POLE: variants seen among roughly 807,000 people sequenced by gnomAD.
POLE encodes DNA polymerase epsilon catalytic subunit A.
In POLE, 188 loss-of-function variants were observed where a neutral mutation model predicts 279.2. That is an observed-to-expected ratio of 0.67 (90% CI 0.60 to 0.76). The LOEUF is 0.76. Ranked by LOEUF, POLE falls within the 30% of genes least tolerant of loss-of-function variation. The pLI is 0.00. For synonymous variants in POLE, 1,214 were observed against 1,172.5 expected (o/e 1.04, Z -0.72); for missense variants, 2,703 against 3,016.7 (o/e 0.90, Z 2.44).
rs1327578225 is a variant in POLE, at chr12:132,661,846, C to G, written c.2707-162G>C. Among the ~76,000 whole-genome samples the G allele has an allele frequency of 1.3e-5, 2 of 152,184 alleles. No homozygotes were observed. The highest frequency in any genetic ancestry group is 2.9e-5 in the Non-Finnish European group (2 of 68,038). On this transcript the variant is annotated intron_variant, in intron 23 of 48. Transcript: ENST00000320574. This position sits in a 1 kb window ranked among gnomAD's most constrained non-coding sequence, Gnocchi z 4.1. ...AGGAAGGAAGTTCTGATGCATGCAA[C>G]CAAGTGGTGAAACTCAGGTGTATCT...
In POLE at chr12:132,668,819, G is replaced by T. The variant is rs1565966539; in HGVS notation, c.1915C>A (p.Arg639Ser). ...AMYPNIILTNRLQPSAMVDEA... is the reference protein window; with the variant it reads ...AMYPNIILTNSLQPSAMVDEA... ...GGGAAGTAAAGTCTCACCTGCAGGC[G>T]GTTGGTCAGGATGATGTTGGGGTAC... The change falls in exon 17 of 49, where the codon CGC becomes AGC. Residue 639 changes from arginine to serine, a missense_variant. This residue lies in a region of POLE where 1,011 missense variants were observed against 1,111.7 expected (regional missense o/e 0.91). Transcript: ENST00000320574. The surrounding 1 kb of genome is among the most constrained non-coding windows in gnomAD (Gnocchi z 4.0). 1 of 1,614,140 alleles carries T rather than the reference G, an allele frequency of 6.2e-7. No individual in the cohort carries two copies. The highest frequency in any genetic ancestry group is 8.5e-7 in the Non-Finnish European group (1 of 1,179,978).
rs759414746 is a variant in POLE, at chr12:132,675,790, C to T, written c.1051G>A (p.Val351Ile). 20 of 1,614,028 alleles carry T rather than the reference C, an allele frequency of 1.2e-5. No individual in the cohort carries two copies. Among genetic ancestry groups the T allele is most frequent in the East Asian group, 2.2e-5 (1 of 44,894 alleles). Residue 351 changes from valine (V) to isoleucine (I), a missense_variant, in exon 11 of 49, where the codon GTC (valine) becomes ATC (isoleucine). Val to Ile is a conservative substitution (Grantham distance 29). Around this residue, in one of 5 missense-constraint regions of POLE, gnomAD observed 1,011 missense variants for 1,111.7 expected, o/e 0.91. Coordinates refer to ENST00000320574, the MANE Select transcript of POLE (RefSeq NM_006231.4). The surrounding 1 kb of genome is among the most constrained non-coding windows in gnomAD (Gnocchi z 4.3). ...AHLIQRWFEH[V>I]QETKPTIMVT... ...ATGATGGTGGGTTTGGTCTCCTGGA[C>T]GTGTTCAAACCACCTTTGGATCAGA...
At chr12:132,646,862 A>T (rs2042296418) in intron 32 of POLE, among the ~76,000 whole-genome samples, 1 of 151,852 alleles carries the variant, frequency 6.6e-6, no homozygotes. Flanking sequence ...AAAAATAAAT[A>T]AATTTAAAAA....
intron 47 of POLE, 176 bp from the exon 48 acceptor site, chr12:132,625,170 A>G: frequency 1.5e-6 from 1 of 680,952 alleles, no homozygotes; most frequent in Non-Finnish European, 2.7e-6. Flanking sequence ...CCACGGTGCC[A>G]GCGCCTTCCC....
intron 41 of POLE, among the ~76,000 whole-genome samples, chr12:132,637,809 A>T (rs2042062851): frequency 1.3e-5 from 2 of 152,206 alleles, no homozygotes; most frequent in Non-Finnish European, 2.9e-5. Flanking sequence ...GCCCAACTCA[A>T]GCTGCACAGC....
chr12:132,641,868 C>T lies in POLE; in HGVS notation c.5174-17G>A, dbSNP rs201254290. ...CCACACACACTGCACAGGAAGACGC[C>T]ATGCTCAGCCAGCATCCTGCCAGCT... is the stretch of plus-strand genomic sequence containing the variant. On this transcript the variant is annotated splice_polypyrimidine_tract_variant and intron_variant, in intron 38 of 48. Coordinates refer to ENST00000320574, the MANE Select transcript of POLE (RefSeq NM_006231.4). The T allele has an allele frequency of 9.3e-5, 149 of 1,597,264 alleles. 4 individuals are homozygous for T. The South Asian group carries it at 1.6e-3, about 17-fold the overall frequency.
intron 16 of POLE, 60 bp downstream of exon 16, chr12:132,672,155 C>T (rs1004843151): frequency 1.8e-5 from 21 of 1,139,142 alleles, no homozygotes; most frequent in African/African-American, 3.0e-5. Context: ...TGCTGAAAGA[C>T]GTGGTCTGTG....
chr12:132,672,187 T>C (rs755213532), intron 16 of POLE, 28 bp downstream of exon 16: 2 of 1,503,704 alleles, frequency 1.3e-6, no homozygotes, highest in Non-Finnish European at 1.9e-6. Context: ...AAACACAGAC[T>C]GGCTCTTCCT....
chr12:132,630,788 A>G (rs1279071318), intron 45 of POLE, among the ~76,000 whole-genome samples: 1 of 152,152 alleles, frequency 6.6e-6, no homozygotes, highest in Admixed American at 6.5e-5. Context: ...ATACCACTAC[A>G]CACCTACTGG....
At chr12:132,659,166 C>T in intron 26 of POLE, 129 bp downstream of exon 26, 1 of 928,640 alleles carries the variant, frequency 1.1e-6, no homozygotes, top group Non-Finnish European at 1.6e-6. Flanking sequence ...AACCCCTTAC[C>T]TCTCCGTGAC....
chr12:132,676,450 C>T (rs1477937696), intron 9 of POLE, 96 bp downstream of exon 9: 3 of 856,628 alleles, frequency 3.5e-6, no homozygotes, highest in Non-Finnish European at 5.9e-6. Flanking sequence ...ATTATTCACT[C>T]AACAAATACT....
At position 132,679,943 on chromosome 12, in the gene POLE, G is replaced by A. The variant is rs900927768; in HGVS notation, c.423+11C>T. 4.4e-6 allele frequency: 7 copies of A among 1,594,758 alleles called. No homozygotes were observed. Among genetic ancestry groups the A allele is most frequent in the African/African-American group, 4.0e-5 (3 of 74,438 alleles). On this transcript the variant is annotated intron_variant, in intron 5 of 48. Coordinates refer to ENST00000320574, the MANE Select transcript of POLE (RefSeq NM_006231.4). ...CCTCATTTACCCCTGGAAAGTCTGG[G>A]TGATACTCACCAAGTCCAGATCCTC...
intron 42 of POLE, 137 bp downstream of exon 42, chr12:132,635,755 G>T: frequency 1.2e-6 from 1 of 823,636 alleles, no homozygotes; most frequent in Non-Finnish European, 1.9e-6. Flanking sequence ...CCCTCCCCGT[G>T]TTCATGAGGG....
rs5744800 is a variant in POLE at position 132,668,440 on chromosome 12, G to T, written c.2089C>A (p.Pro697Thr). Residue 697 changes from proline to threonine, a missense_variant, in exon 19 of 49, where the codon CCC becomes ACC. Pro to Thr is a conservative substitution (Grantham distance 38). This residue lies in a region of POLE where 1,011 missense variants were observed against 1,111.7 expected (regional missense o/e 0.91). Transcript: ENST00000320574. This position sits in a 1 kb window ranked among gnomAD's most constrained non-coding sequence, Gnocchi z 4.0. ...CGAGCTGGCCCCTCTGGGAACAAGG[G>T]GGGGAACTTCTCTGACTCCAGCTGG... Reference protein sequence around the residue: ...QHQLESEKFPPLFPEGPARAF... With the variant: ...QHQLESEKFPTLFPEGPARAF... The T allele has an allele frequency of 1.9e-5, 31 of 1,612,652 alleles. No homozygotes were observed. The highest frequency in any genetic ancestry group is 4.4e-5 in the South Asian group (4 of 90,882).
chr12:132,636,142 T>G, intron 41 of POLE, 118 bp from the exon 42 acceptor site: 1 of 1,105,056 alleles, frequency 9.0e-7, no homozygotes, highest in South Asian at 1.7e-5. Context: ...ATTTGAAAGT[T>G]CATTCAGACC....
At position 132,681,143 on chromosome 12, in the gene POLE, G is replaced by A. The variant is rs1555230392; in HGVS notation, c.199C>T (p.His67Tyr). 1 of 1,614,028 alleles carries A rather than the reference G, an allele frequency of 6.2e-7. No individual in the cohort carries two copies. The highest frequency in any genetic ancestry group is 1.1e-5 in the South Asian group (1 of 91,078). ...GAGAAGGACCTAGTGCTTACAGGAT[G>A]CATGTTAATGAGCCAGCCTGTCTTC... ...GEKTGWLINM[H>Y]PTEILDEDKR... Residue 67 changes from histidine (H) to tyrosine (Y), a missense_variant, in exon 2 of 49, where the codon CAT (histidine) becomes TAT (tyrosine). Physicochemically the swap from His to Tyr is moderately conservative, Grantham distance 83. Coordinates refer to ENST00000320574, the MANE Select transcript of POLE (RefSeq NM_006231.4).
chr12:132,641,314 C>T, intron 39 of POLE: 2 of 409,384 alleles, frequency 4.9e-6, no homozygotes, highest in Non-Finnish European at 9.3e-6. Context: ...GCTGATGCCT[C>T]ACACATCATA....
chr12:132,678,698 A>G (rs780973781), intron 6 of POLE, among the ~76,000 whole-genome samples: 1 of 152,244 alleles, frequency 6.6e-6, no homozygotes, highest in East Asian at 1.9e-4. Context: ...TGCAGGCTGA[A>G]GAGCAGGCCT....
rs963588288 is a variant in POLE, at chr12:132,676,628, A to G, written c.827T>C (p.Ile276Thr). Residue 276 changes from isoleucine (I) to threonine (T), a missense_variant, in exon 9 of 49, where the codon ATT becomes ACT. Coordinates refer to ENST00000320574, the MANE Select transcript of POLE (RefSeq NM_006231.4). ...RPDPVVLAFD[I>T]ETTKLPLKFP... ...CTTGAGGGGCAGTTTGGTCGTCTCA[A>G]TGTCAAATGCCAAAACCACAGGGTC... The G allele has an allele frequency of 6.2e-7, 1 of 1,613,428 alleles. No individual in the cohort carries two copies. Among genetic ancestry groups the G allele is most frequent in the East Asian group, 2.2e-5 (1 of 44,888 alleles).
Sources: gnomAD v4.1 joint callset for allele counts (sites outside exome capture counted in the v4.1 genomes callset) on GRCh38, gnomAD v4.1.1 for gene constraint, gnomAD v4.1.1 regional missense constraint, Gnocchi (gnomAD v3.1) non-coding constraint, MANE v1.5 for transcripts, NCBI Gene and HGNC (gene_info 2026-07-23, HGNC 2026-07-21) for gene names.